The following CSTPP1 variants were observed in gnomAD, a reference collection of about 807,000 sequenced individuals.
The protein encoded by CSTPP1 is centriolar satellite-associated tubulin polyglutamylase complex regulator 1, also known as UPF0705 protein C11orf49.
chr11:47,115,289 C>T, the CSTPP1 span, among the ~76,000 whole-genome samples: 6 of 152,156 alleles, frequency 3.9e-5, no homozygotes, highest in Non-Finnish European at 8.8e-5. Flanking sequence ...GTCTAAAATT[C>T]TCTTTTTTTG....
the CSTPP1 span, among the ~76,000 whole-genome samples, chr11:46,960,679 C>T: frequency 1.2e-4 from 18 of 152,082 alleles, no homozygotes; most frequent in South Asian, 8.3e-4. Flanking sequence ...GGTGAAACCC[C>T]GTCTCTACTA....
chr11:46,936,786 G>A, the CSTPP1 span: 1 of 1,610,466 alleles, frequency 6.2e-7, no homozygotes, highest in Non-Finnish European at 8.5e-7. Context: ...CTGGAGCTTT[G>A]AAGCCACCCC....
the CSTPP1 span, chr11:47,052,563 C>G: frequency 1.3e-6 from 2 of 1,597,048 alleles, no homozygotes; most frequent in African/African-American, 2.7e-5. Context: ...TCCTTCCTTC[C>G]TTTCTTCCTT....
chr11:46,940,906 G>T, the CSTPP1 span, among the ~76,000 whole-genome samples: 1 of 152,162 alleles, frequency 6.6e-6, no homozygotes, highest in Non-Finnish European at 1.5e-5. Flanking sequence ...TGAATTTTAT[G>T]TCTCAAAGGC....
the CSTPP1 span, among the ~76,000 whole-genome samples, chr11:47,143,675 T>G: frequency 6.6e-6 from 1 of 152,216 alleles, no homozygotes; most frequent in African/African-American, 2.4e-5. Context: ...TATCCCCAGA[T>G]GATCACCACA....
the CSTPP1 span, among the ~76,000 whole-genome samples, chr11:47,043,807 C>T: frequency 6.6e-6 from 1 of 152,070 alleles, no homozygotes; most frequent in South Asian, 2.1e-4. Context: ...GCCTGGGCAA[C>T]ATGGCGAAAC....
At chr11:47,157,960 G>A in the CSTPP1 span, 29 of 1,555,228 alleles carry the variant, frequency 1.9e-5, no homozygotes, top group Middle Eastern at 5.0e-4. Flanking sequence ...CTCTCCTGCC[G>A]CACAACACAG....
the CSTPP1 span, among the ~76,000 whole-genome samples, chr11:47,032,088 C>G: frequency 6.6e-6 from 1 of 152,094 alleles, no homozygotes; most frequent in Non-Finnish European, 1.5e-5. Flanking sequence ...CCCAGCCCAC[C>G]GACTCAAAGT....
At chr11:47,122,091 A>AAAAAATATATATATAT in the CSTPP1 span, among the ~76,000 whole-genome samples, 4 of 31,844 alleles carry the variant, frequency 1.3e-4, no homozygotes, top group Admixed American at 4.9e-4. Flanking sequence ...AAAAAAAAAA[A>AAAAAATATATATATAT]ATATATATAT....
the CSTPP1 span, among the ~76,000 whole-genome samples, chr11:47,065,864 C>T: frequency 6.6e-6 from 1 of 151,938 alleles, no homozygotes; most frequent in Non-Finnish European, 1.5e-5. Flanking sequence ...CTGCTTCAGC[C>T]TCCCAAATAG....
chr11:47,016,120 C>G, the CSTPP1 span, among the ~76,000 whole-genome samples: 1 of 151,960 alleles, frequency 6.6e-6, no homozygotes, highest in South Asian at 2.1e-4. Flanking sequence ...TTGCCTCAAA[C>G]AACAACAAAG....
At chr11:46,995,737 G>C in the CSTPP1 span, among the ~76,000 whole-genome samples, 2 of 152,206 alleles carry the variant, frequency 1.3e-5, no homozygotes, top group Non-Finnish European at 2.9e-5. Flanking sequence ...GTGGTGCTGA[G>C]TAGAATGTAT....
chr11:47,124,773 T>A, the CSTPP1 span, among the ~76,000 whole-genome samples: 1 of 152,236 alleles, frequency 6.6e-6, no homozygotes, highest in Non-Finnish European at 1.5e-5. Flanking sequence ...GGTAGATTCA[T>A]CCTGATGCCA....
the CSTPP1 span, chr11:47,159,577 TG>T: frequency 2.2e-5 from 10 of 454,946 alleles, no homozygotes; most frequent in African/African-American, 2.0e-4. Flanking sequence ...GGGTGGGATC[TG>T]CCCTGGTGTT....
the CSTPP1 span, among the ~76,000 whole-genome samples, chr11:47,158,538 G>GT: frequency 6.6e-6 from 1 of 151,896 alleles, no homozygotes. Flanking sequence ...AAGGTTTTTT[G>GT]TTTTTTGTTT....
the CSTPP1 span, among the ~76,000 whole-genome samples, chr11:47,152,709 T>C: frequency 6.6e-6 from 1 of 152,234 alleles, no homozygotes; most frequent in Non-Finnish European, 1.5e-5. Flanking sequence ...GGGTGACTTT[T>C]ATGGTGTGTC....
At chr11:47,019,554 G>A in the CSTPP1 span, among the ~76,000 whole-genome samples, 2 of 152,260 alleles carry the variant, frequency 1.3e-5, no homozygotes, top group East Asian at 3.9e-4. Flanking sequence ...AGGGAATAGA[G>A]AGCACCAAGG....
chr11:47,029,074 G>A, the CSTPP1 span, among the ~76,000 whole-genome samples: 1 of 151,592 alleles, frequency 6.6e-6, no homozygotes, highest in Admixed American at 6.6e-5. Flanking sequence ...CAAACTCCTA[G>A]GCACAAGCAA....
At chr11:46,982,493 T>C in the CSTPP1 span, among the ~76,000 whole-genome samples, 2 of 152,102 alleles carry the variant, frequency 1.3e-5, no homozygotes, top group Admixed American at 6.6e-5. Context: ...AAGGTGGAAA[T>C]TCTAGACCCC....
Sources: allele counts gnomAD v4.1 joint callset (sites outside exome capture counted in the v4.1 genomes callset), GRCh38; gene constraint gnomAD v4.1.1; transcripts MANE v1.5; gene names NCBI Gene and HGNC (gene_info 2026-07-23, HGNC 2026-07-21).